Variants in P2RY6 observed in about 807,000 individuals in gnomAD.
P2RY6 encodes the protein P2Y purinoceptor 6.
In P2RY6, 19 loss-of-function variants were observed where a neutral mutation model predicts 16.3. The ratio of observed to expected loss-of-function variants is 1.16; its 90% CI spans 0.81 to 1.71. The LOEUF (loss-of-function observed/expected upper bound fraction) is 1.71, where lower values mean the gene tolerates loss of function less well. Among genes scored for constraint, P2RY6 ranks in the 40% most tolerant of loss-of-function variants. The pLI is 0.00. For missense variants in P2RY6, 389 were observed against 455.5 expected (o/e 0.85, Z 1.33); for synonymous variants, 184 against 201.5 (o/e 0.91, Z 0.74).
At chr11:73,286,765 G>C (rs1361323131) in intron 1 of P2RY6, among the ~76,000 whole-genome samples, 1 of 152,080 alleles carries the variant, frequency 6.6e-6, no homozygotes, top group Admixed American at 6.6e-5. Context: ...GAAAGGGAGG[G>C]AGTCTGACAC....
intron 1 of P2RY6, among the ~76,000 whole-genome samples, chr11:73,290,506 C>T (rs1296627574): frequency 6.6e-6 from 1 of 152,226 alleles, no homozygotes; most frequent in African/African-American, 2.4e-5. Flanking sequence ...TCATGATGGG[C>T]CAGCCCCTCT....
rs1291835381 is a variant in P2RY6 at position 73,297,110 on chromosome 11, G to A, written c.592G>A (p.Val198Ile). Reference protein sequence around the residue: ...HYMPYGMALTVIGFLLPFAAL... With the variant: ...HYMPYGMALTIIGFLLPFAAL... ...TATGCCCTATGGCATGGCTCTCACT[G>A]TCATCGGCTTCCTGCTGCCCTTTGC... is the stretch of plus-strand genomic sequence containing the variant. Residue 198 changes from valine to isoleucine, a missense_variant, in exon 3 of 3, where the codon GTC (valine) becomes ATC (isoleucine). Val to Ile is a conservative substitution (Grantham distance 29, BLOSUM62 3). Transcript: ENST00000540124. 6.2e-7 allele frequency: 1 copy of A among 1,603,992 alleles called. No homozygotes were observed. The highest frequency in any genetic ancestry group is 8.5e-7 in the Non-Finnish European group (1 of 1,179,954).
chr11:73,285,331 C>T (rs569237410), intron 1 of P2RY6, among the ~76,000 whole-genome samples: 1 of 152,384 alleles, frequency 6.6e-6, no homozygotes, highest in East Asian at 1.9e-4. Flanking sequence ...GCCTTGGCCT[C>T]CCAAAGTGCT....
At chr11:73,285,741 G>T (rs1324137927) in intron 1 of P2RY6, among the ~76,000 whole-genome samples, 1 of 152,186 alleles carries the variant, frequency 6.6e-6, no homozygotes, top group African/African-American at 2.4e-5. Flanking sequence ...AAAGGGTTTT[G>T]TCTTCAGGTT....
chr11:73,279,885 A>G (rs1863686956), intron 1 of P2RY6, among the ~76,000 whole-genome samples: 1 of 152,252 alleles, frequency 6.6e-6, no homozygotes, highest in South Asian at 2.1e-4. Flanking sequence ...GAAAGAGTCC[A>G]GGAATCTGAT....
chr11:73,285,907 A>G (rs779823050), intron 1 of P2RY6, among the ~76,000 whole-genome samples: 3 of 152,210 alleles, frequency 2.0e-5, no homozygotes, highest in Non-Finnish European at 4.4e-5. Context: ...CAGCCAAGCT[A>G]TATGGCCCCA....
intron 1 of P2RY6, among the ~76,000 whole-genome samples, chr11:73,283,275 C>T (rs760793836): frequency 2.0e-5 from 3 of 152,142 alleles, no homozygotes; most frequent in Non-Finnish European, 2.9e-5. Context: ...CCATAAGCAA[C>T]GACCCCTCCT....
chr11:73,293,983 CA>C (rs1374933816), intron 1 of P2RY6, among the ~76,000 whole-genome samples: 2 of 152,078 alleles, frequency 1.3e-5, no homozygotes, highest in African/African-American at 4.8e-5. Context: ...GGAGAGGGGT[CA>C]GGGAGGGGCA....
At position 73,266,088 on chromosome 11, in the gene P2RY6, T is replaced by C. The variant is rs201350530; in HGVS notation, c.-281+1439T>C. The stretch of plus-strand genomic sequence containing the variant: ...GGGTCCCTGCCCACCCCAGGAACTC[T>C]CAGTTTTCACAGAGCCAGTGATTCC... On this transcript the variant is annotated intron_variant, in intron 1 of 3. Transcript: ENST00000349767. Among the ~76,000 whole-genome samples, 32 of 152,314 alleles carry C rather than the reference T, an allele frequency of 2.1e-4. No homozygotes were observed. The East Asian group carries it at 5.6e-3, about 27-fold the overall frequency.
At chr11:73,280,426 C>T (rs1863711583) in intron 1 of P2RY6, among the ~76,000 whole-genome samples, 1 of 152,174 alleles carries the variant, frequency 6.6e-6, no homozygotes, top group Non-Finnish European at 1.5e-5. Flanking sequence ...CAGAGCAGCT[C>T]CAGCTCTGTT....
In P2RY6 at chr11:73,297,379, G is replaced by T; in HGVS notation, c.861G>T (p.Arg287=). 6.2e-7 allele frequency: 1 copy of T among 1,612,178 alleles called. No homozygotes were observed. ...EAFAAAYKGT[R]PFASANSVLD... ...TTGCAGCGGCCTACAAAGGCACGCG[G>T]CCGTTTGCCAGTGCCAACAGCGTGC... The change falls in exon 3 of 3, where the codon CGG becomes CGT. Residue 287 remains arginine, a synonymous_variant. Transcript: ENST00000540124.
rs1864572381 is a variant in P2RY6 at position 73,297,709 on chromosome 11, A to C, written c.*204A>C. On this transcript the variant is annotated 3_prime_UTR_variant, in exon 3 of 3. Coordinates refer to ENST00000540124, the MANE Select transcript of P2RY6 (RefSeq NM_001277204.2). ...ACCCTGTGGGCATGGAGATGGACAG[A>C]CCTGGGCCTGGCTCTTGAGAGGTCC... is the stretch of plus-strand genomic sequence containing the variant. 1 of 596,430 alleles carries C rather than the reference A, an allele frequency of 1.7e-6. No homozygotes were observed. The highest frequency in any genetic ancestry group is 3.0e-6 in the Non-Finnish European group (1 of 328,068). 36.9% of individuals were successfully genotyped at this position (596,430 alleles called of 1,614,324 possible). A position where few individuals can be genotyped will look rare whatever the true frequency, so the allele number is the denominator to read the frequency against.
At chr11:73,267,084 A>G (rs1863129832) in intron 1 of P2RY6, among the ~76,000 whole-genome samples, 2 of 152,218 alleles carry the variant, frequency 1.3e-5, no homozygotes, top group South Asian at 2.1e-4. Context: ...CAAACATTCT[A>G]GAAGTCTACA....
intron 1 of P2RY6, among the ~76,000 whole-genome samples, chr11:73,284,565 C>A (rs1863892220): frequency 6.6e-6 from 1 of 152,224 alleles, no homozygotes; most frequent in Non-Finnish European, 1.5e-5. Flanking sequence ...CAGGCAGAAG[C>A]AGCCCCAGGG....
intron 1 of P2RY6, among the ~76,000 whole-genome samples, chr11:73,288,073 C>T (rs1864040031): frequency 6.6e-6 from 1 of 152,240 alleles, no homozygotes; most frequent in African/African-American, 2.4e-5. Flanking sequence ...CTCTTGCTAA[C>T]TTTGCTATGC....
rs553853709 is a variant in P2RY6, at chr11:73,286,688, A to G, written c.-120-9042A>G. Among the ~76,000 whole-genome samples, 52 of 152,116 alleles carry G rather than the reference A, an allele frequency of 3.4e-4. 1 individual carries two copies. The highest frequency in any genetic ancestry group is 3.0e-3 in the Admixed American group (46 of 15,286). On this transcript the variant is annotated intron_variant, in intron 1 of 2. Coordinates refer to ENST00000540124, the MANE Select transcript of P2RY6 (RefSeq NM_001277204.2). ...CCCAGTGCCTCTTGGGCCAAAGCCT[A>G]TACTGGTCTCTGAGGCTCCAGAGGC...
At chr11:73,279,261 T>C (rs1191991507) in intron 1 of P2RY6, among the ~76,000 whole-genome samples, 1 of 152,242 alleles carries the variant, frequency 6.6e-6, no homozygotes, top group South Asian at 2.1e-4. Flanking sequence ...TTATACATTC[T>C]AGATATTAAT....
At chr11:73,264,557 G>C (rs1446826425) in exon 1 of P2RY6, 1 of 152,388 alleles carries the variant, frequency 6.6e-6, no homozygotes, top group Non-Finnish European at 1.5e-5. Flanking sequence ...TGCTGCCGCC[G>C]TCTACACGGT....
At chr11:73,292,878 A>G (rs541182957) in intron 1 of P2RY6, 36 of 983,836 alleles carry the variant, frequency 3.7e-5, no homozygotes, top group Admixed American at 6.2e-5. Context: ...TTGCCCCAAC[A>G]CACTTGGGAC....
Sources: gnomAD v4.1 joint callset for allele counts (sites outside exome capture counted in the v4.1 genomes callset) on GRCh38, gnomAD v4.1.1 for gene constraint, MANE v1.5 for transcripts, NCBI Gene and HGNC (gene_info 2026-07-23, HGNC 2026-07-21) for gene names.